Variants in TAF4B observed in about 807,000 individuals in gnomAD.
TAF4B encodes the protein TATA-box binding protein associated factor 4b.
TAF4B carries 38 observed loss-of-function variants against 86.4 expected under a neutral mutation model. The observed-to-expected ratio is 0.44, with a 90% confidence interval of 0.34 to 0.58. The LOEUF is 0.58. TAF4B is among the 20% of genes least tolerant of loss of function. The pLI, the probability that TAF4B is intolerant of heterozygous loss-of-function variation, is 0.02. For synonymous variants in TAF4B, 388 were observed against 391.2 expected (o/e 0.99, Z 0.10); for missense variants, 988 against 1,027.6 (o/e 0.96, Z 0.53).
At chr18:26,247,723 A>C (rs1156427834) in intron 1 of TAF4B, among the ~76,000 whole-genome samples, 1 of 152,090 alleles carries the variant, frequency 6.6e-6, no homozygotes, top group Non-Finnish European at 1.5e-5. Context: ...CCCTACTGAA[A>C]GCACAAAAAC....
chr18:26,341,674 CATA>C (rs2057137748), intron 13 of TAF4B, among the ~76,000 whole-genome samples: 1 of 151,754 alleles, frequency 6.6e-6, no homozygotes, highest in Admixed American at 6.6e-5. Context: ...GTCCTGGTAT[CATA>C]ATAACCAGCC....
Position 26,327,136 on chromosome 18 carries a change from C to G in TAF4B, c.2255C>G (p.Ala752Gly), listed in dbSNP as rs776216433. The G allele has an allele frequency of 6.2e-7, 1 of 1,610,994 alleles. No individual in the cohort carries two copies. Among genetic ancestry groups the G allele is most frequent in the East Asian group, 2.2e-5 (1 of 44,860 alleles). The change falls in exon 12 of 15, where the codon GCC becomes GGC. Residue 752 changes from alanine to glycine, a missense_variant. Ala to Gly is a moderately conservative substitution (Grantham distance 60). This residue lies in a region of TAF4B where 216 missense variants were observed against 238.4 expected (regional missense o/e 0.91). Transcript: ENST00000269142. ...GAAAGAGAAATGTTACTTAAGGCAGCCAAGGTAAGGGCCAGTGTGATTTAT... is the reference window on the plus strand; with the variant it reads ...GAAAGAGAAATGTTACTTAAGGCAGGCAAGGTAAGGGCCAGTGTGATTTAT... ...LEEREMLLKA[A>G]KSRSNKEDPE...
At chr18:26,389,548 T>C (rs959989195) in intron 14 of TAF4B, among the ~76,000 whole-genome samples, 1 of 152,234 alleles carries the variant, frequency 6.6e-6, no homozygotes, top group Non-Finnish European at 1.5e-5. Flanking sequence ...AGGGAAAGTC[T>C]GGCCTGCAAT....
At chr18:26,356,855 C>T (rs1310771085) in intron 13 of TAF4B, among the ~76,000 whole-genome samples, 1 of 148,822 alleles carries the variant, frequency 6.7e-6, no homozygotes, top group Admixed American at 6.7e-5. Flanking sequence ...TGAAATAATG[C>T]AGTTTCTGCC....
chr18:26,230,555 G>A (rs1377672105), intron 1 of TAF4B, among the ~76,000 whole-genome samples: 1 of 152,180 alleles, frequency 6.6e-6, no homozygotes, highest in South Asian at 2.1e-4. Flanking sequence ...TAAAGTGATA[G>A]TGGCCATGGC....
At chr18:26,373,919 T>TAGAA (rs2057424128) in intron 14 of TAF4B, among the ~76,000 whole-genome samples, 1 of 152,214 alleles carries the variant, frequency 6.6e-6, no homozygotes, top group Non-Finnish European at 1.5e-5. Flanking sequence ...TAGCCTTTTC[T>TAGAA]GCCTTAACAC....
intron 14 of TAF4B, among the ~76,000 whole-genome samples, chr18:26,389,636 G>T (rs911460206): frequency 2.0e-5 from 3 of 152,226 alleles, no homozygotes; most frequent in African/African-American, 4.8e-5. Context: ...CTGCAGGTGA[G>T]CAGGAAAGAA....
intron 1 of TAF4B, among the ~76,000 whole-genome samples, chr18:26,258,539 A>T (rs967699778): frequency 1.3e-5 from 2 of 152,208 alleles, no homozygotes; most frequent in Admixed American, 6.5e-5. Context: ...AAGTAATAAT[A>T]CATTTATACT....
At chr18:26,277,859 T>A (rs1356628578) in intron 5 of TAF4B, among the ~76,000 whole-genome samples, 1 of 152,244 alleles carries the variant, frequency 6.6e-6, no homozygotes, top group Non-Finnish European at 1.5e-5. Context: ...AACATGCTCA[T>A]TAAATTCACC....
At chr18:26,344,260 A>G (rs1438098955) in intron 13 of TAF4B, among the ~76,000 whole-genome samples, 2 of 152,180 alleles carry the variant, frequency 1.3e-5, no homozygotes, top group Non-Finnish European at 2.9e-5. Context: ...GATGTAGAAA[A>G]TAAAAATTTT....
intron 14 of TAF4B, among the ~76,000 whole-genome samples, chr18:26,375,137 A>G (rs893833576): frequency 6.6e-6 from 1 of 152,138 alleles, no homozygotes; most frequent in Non-Finnish European, 1.5e-5. Context: ...GGATTCACCT[A>G]TTCTAGGCAT....
At chr18:26,261,562 T>C (rs2056168169) in intron 1 of TAF4B, among the ~76,000 whole-genome samples, 1 of 152,238 alleles carries the variant, frequency 6.6e-6, no homozygotes, top group African/African-American at 2.4e-5. Context: ...TGTCTGCTTA[T>C]GCTGGTATCA....
chr18:26,377,565 T>G (rs1046137571), intron 14 of TAF4B, among the ~76,000 whole-genome samples: 1 of 152,246 alleles, frequency 6.6e-6, no homozygotes, highest in Admixed American at 6.5e-5. Context: ...GTAGATTAAT[T>G]AGTATCTGCT....
chr18:26,354,053 G>A (rs762463146), intron 13 of TAF4B, among the ~76,000 whole-genome samples: 6 of 152,086 alleles, frequency 3.9e-5, no homozygotes, highest in Non-Finnish European at 5.9e-5. Context: ...TTTGCACGTG[G>A]ATGTTCAGTT....
chr18:26,309,158 A>AT lies in TAF4B; in HGVS notation c.1833-6070dup, dbSNP rs2056827443. 2.6e-5 allele frequency among the ~76,000 whole-genome samples: 4 copies of AT among 151,020 alleles called. No homozygotes were observed. In the South Asian group the frequency reaches 8.4e-4, roughly 32 times the overall value. ...GATGTTCATTATAAATTTAGGAACT[A>AT]TAAGTATATATAGACCAGCATTTGA... is the stretch of plus-strand genomic sequence containing the variant. On this transcript the variant is annotated intron_variant, in intron 9 of 14. Coordinates refer to ENST00000269142, the MANE Select transcript of TAF4B (RefSeq NM_005640.3).
intron 9 of TAF4B, among the ~76,000 whole-genome samples, chr18:26,305,993 G>A (rs755615841): frequency 2.6e-4 from 40 of 152,114 alleles, no homozygotes; most frequent in Non-Finnish European, 4.3e-4. Flanking sequence ...AGGTTGTAGG[G>A]AACAGAAAAA....
intron 3 of TAF4B, among the ~76,000 whole-genome samples, chr18:26,270,254 T>G (rs563600674): frequency 5.3e-5 from 8 of 152,290 alleles, no homozygotes; most frequent in African/African-American, 1.7e-4. Flanking sequence ...GGGAGCCAGT[T>G]TAGTGGTAAA....
At chr18:26,245,065 G>T (rs2055902256) in intron 1 of TAF4B, among the ~76,000 whole-genome samples, 1 of 151,854 alleles carries the variant, frequency 6.6e-6, no homozygotes, top group Non-Finnish European at 1.5e-5. Flanking sequence ...AGAGTCTGGG[G>T]TTGTTAGAGA....
chr18:26,265,631 G>T (rs1470998970), intron 2 of TAF4B, among the ~76,000 whole-genome samples: 1 of 152,070 alleles, frequency 6.6e-6, no homozygotes, highest in African/African-American at 2.4e-5. Context: ...TGGCTCACTT[G>T]GTTCACTGCA....
Sources: allele counts gnomAD v4.1 joint callset (sites outside exome capture counted in the v4.1 genomes callset), GRCh38; gene constraint gnomAD v4.1.1; regional missense constraint gnomAD v4.1.1; transcripts MANE v1.5; gene names NCBI Gene and HGNC (gene_info 2026-07-23, HGNC 2026-07-21).